Variants in CCDC178 observed in about 807,000 individuals in gnomAD.
CCDC178 encodes the protein coiled-coil domain-containing protein 178.
A neutral mutation model predicts 117.4 loss-of-function variants in CCDC178; 126 were observed. The ratio of observed to expected loss-of-function variants is 1.07; its 90% CI spans 0.93 to 1.24. CCDC178 has a LOEUF of 1.24. CCDC178 is among the 50% of genes most tolerant of loss of function. CCDC178 has a pLI of 0.00. For missense variants in CCDC178, 1,030 were observed against 986.9 expected (o/e 1.04, Z -0.59); for synonymous variants, 283 against 313.4 (o/e 0.90, Z 1.02).
chr18:33,029,841 G>C (rs1160734278), intron 21 of CCDC178, among the ~76,000 whole-genome samples: 1 of 151,680 alleles, frequency 6.6e-6, no homozygotes, highest in African/African-American at 2.4e-5. Flanking sequence ...TTGTTTTTCA[G>C]AGACTGTACT....
chr18:33,073,888 G>T (rs929506442), intron 21 of CCDC178, among the ~76,000 whole-genome samples: 4 of 152,130 alleles, frequency 2.6e-5, no homozygotes, highest in Non-Finnish European at 5.9e-5. Context: ...TGGGAAGGCT[G>T]CTCTAAGGAA....
chr18:33,199,184 A>G (rs1341094842), intron 20 of CCDC178, among the ~76,000 whole-genome samples: 1 of 152,050 alleles, frequency 6.6e-6, no homozygotes, highest in Non-Finnish European at 1.5e-5. Context: ...GGACCCATAT[A>G]CTAGAAGGTT....
chr18:33,098,433 C>T (rs2057575554), intron 20 of CCDC178, among the ~76,000 whole-genome samples: 1 of 152,042 alleles, frequency 6.6e-6, no homozygotes, highest in African/African-American at 2.4e-5. Flanking sequence ...TAACTCTACT[C>T]TCCTGTCCTG....
At chr18:33,315,123 T>A (rs1403061813) in intron 11 of CCDC178, among the ~76,000 whole-genome samples, 3 of 152,140 alleles carry the variant, frequency 2.0e-5, no homozygotes, top group African/African-American at 7.2e-5. Context: ...GAGTTTACCC[T>A]CTGCAACCTC....
rs1285384942 is a variant in CCDC178, at chr18:33,418,248, C to T, written c.-22-6138G>A. 2.0e-5 allele frequency among the ~76,000 whole-genome samples: 3 copies of T among 152,186 alleles called. No homozygotes were observed. The East Asian group carries it at 5.8e-4, about 29-fold the overall frequency. Reference sequence around the variant, plus strand: ...ACAGAACTAAAAACTACATGATCATCTCAATAGATGCAGAAAAGGCTTTTG... The same window carrying T: ...ACAGAACTAAAAACTACATGATCATTTCAATAGATGCAGAAAAGGCTTTTG... On this transcript the variant is annotated intron_variant, in intron 2 of 22. Transcript: ENST00000383096.
intron 20 of CCDC178, among the ~76,000 whole-genome samples, chr18:33,132,656 C>T (rs1023594556): frequency 6.6e-5 from 10 of 151,598 alleles, no homozygotes; most frequent in Admixed American, 4.6e-4. Context: ...ACTTTTCTCT[C>T]AATATATAAT....
chr18:33,213,832 C>T (rs948750001), intron 19 of CCDC178, among the ~76,000 whole-genome samples: 5 of 151,892 alleles, frequency 3.3e-5, no homozygotes, highest in African/African-American at 9.7e-5. Context: ...ATTTTTAACA[C>T]CATATTTTAA....
chr18:33,115,748 C>A (rs2057848879), intron 20 of CCDC178, among the ~76,000 whole-genome samples: 1 of 151,946 alleles, frequency 6.6e-6, no homozygotes, highest in Admixed American at 6.6e-5. Flanking sequence ...TCACTATAGA[C>A]CCCAGATGTG....
chr18:33,264,502 A>G (rs929719158), intron 14 of CCDC178, among the ~76,000 whole-genome samples: 16 of 152,068 alleles, frequency 1.1e-4, no homozygotes, highest in Middle Eastern at 3.2e-3. Flanking sequence ...AAAATTATCC[A>G]TTTAATTTTT....
intron 22 of CCDC178, among the ~76,000 whole-genome samples, chr18:32,966,714 G>T (rs1257321840): frequency 6.6e-6 from 1 of 151,706 alleles, no homozygotes; most frequent in East Asian, 1.9e-4. Flanking sequence ...TTTTGAGTAT[G>T]ATTGTATTGA....
At chr18:32,986,664 G>A (rs538274873) in intron 21 of CCDC178, among the ~76,000 whole-genome samples, 1 of 152,220 alleles carries the variant, frequency 6.6e-6, no homozygotes, top group South Asian at 2.1e-4. Context: ...GAGGCTCTGA[G>A]TTGCAAGAAG....
chr18:33,145,767 C>T (rs1291294086), intron 20 of CCDC178, among the ~76,000 whole-genome samples: 1 of 152,178 alleles, frequency 6.6e-6, no homozygotes, highest in African/African-American at 2.4e-5. Context: ...TGAAGGGCAT[C>T]AGTTGTGATG....
chr18:33,026,195 A>C (rs1278853681), intron 21 of CCDC178, among the ~76,000 whole-genome samples: 1 of 152,126 alleles, frequency 6.6e-6, no homozygotes, highest in African/African-American at 2.4e-5. Flanking sequence ...AGTGGTTGCC[A>C]GGTAAAGAAA....
intron 22 of CCDC178, among the ~76,000 whole-genome samples, chr18:32,939,882 C>T (rs980779329): frequency 2.0e-5 from 3 of 152,008 alleles, no homozygotes; most frequent in African/African-American, 4.8e-5. Context: ...TATAGATAGA[C>T]TAATGGAAGA....
chr18:32,941,430 A>G (rs1385658157), intron 22 of CCDC178, among the ~76,000 whole-genome samples: 3 of 152,120 alleles, frequency 2.0e-5, no homozygotes, highest in African/African-American at 4.8e-5. Flanking sequence ...ACAGGAAAAC[A>G]TGATCTTTCA....
intron 21 of CCDC178, among the ~76,000 whole-genome samples, chr18:33,059,325 T>C (rs2056883680): frequency 6.6e-6 from 1 of 152,192 alleles, no homozygotes; most frequent in African/African-American, 2.4e-5. Flanking sequence ...ATATTTCAGC[T>C]GTATTCTAAT....
chr18:32,978,074 A>G lies in CCDC178; in HGVS notation c.2389-3393T>C, dbSNP rs922541102. On this transcript the variant is annotated intron_variant, in intron 21 of 22. Transcript: ENST00000383096. ...CTGTATGCAGTGTCTGTTTTTATTC[A>G]GTTGTCTGTATTCTAGCTTGAGGTA... is the stretch of plus-strand genomic sequence containing the variant. 6.6e-5 allele frequency among the ~76,000 whole-genome samples: 10 copies of G among 152,210 alleles called. No individual in the cohort carries two copies. In the East Asian group the frequency reaches 1.9e-3, roughly 29 times the overall value.
chr18:33,275,742 C>A (rs994899959), intron 12 of CCDC178, among the ~76,000 whole-genome samples: 1 of 150,464 alleles, frequency 6.6e-6, no homozygotes. Context: ...ATCTGGGAAA[C>A]ATTTTTGCAT....
At chr18:33,394,939 A>ATGTGTG (rs1302202346) in intron 4 of CCDC178, among the ~76,000 whole-genome samples, 85 of 76,134 alleles carry the variant, frequency 1.1e-3, no homozygotes, top group African/African-American at 3.2e-3. Context: ...CTGTATATGT[A>ATGTGTG]TGTGTATATA....
Sources: gnomAD v4.1 joint callset for allele counts (sites outside exome capture counted in the v4.1 genomes callset) on GRCh38, gnomAD v4.1.1 for gene constraint, MANE v1.5 for transcripts, NCBI Gene and HGNC (gene_info 2026-07-23, HGNC 2026-07-21) for gene names.